The following RANBP17 variants were observed in gnomAD, a reference collection of about 807,000 sequenced individuals.
The protein encoded by RANBP17 is ran-binding protein 17.
Under a neutral mutation model 141.2 loss-of-function variants are expected in RANBP17, and 158 were observed. That is an observed-to-expected ratio of 1.12 (90% CI 0.98 to 1.28). The LOEUF is 1.28. Ranked by LOEUF, RANBP17 falls within the 50% of genes most tolerant of loss-of-function variation. The probability of loss-of-function intolerance (pLI) is 0.00; values close to 1 mark genes in which losing one functional copy is unlikely to be tolerated. For synonymous variants in RANBP17, 430 were observed against 450.0 expected, an observed-to-expected ratio of 0.96 and a Z score of 0.56; for missense variants, 1,438 against 1,290.7, an observed-to-expected ratio of 1.11 and a Z score of -1.75.
chr5:171,001,718 T>C (rs1581363223), intron 14 of RANBP17, among the ~76,000 whole-genome samples: 1 of 151,956 alleles, frequency 6.6e-6, no homozygotes, highest in East Asian at 1.9e-4. Context: ...TGGTAAGGGG[T>C]ACAAAGTTTC....
intron 5 of RANBP17, among the ~76,000 whole-genome samples, chr5:170,896,565 C>G (rs571642236): frequency 6.6e-6 from 1 of 152,274 alleles, no homozygotes; most frequent in South Asian, 2.1e-4. Flanking sequence ...CCAGGTGGCT[C>G]ACGCCTGTAA....
chr5:171,116,300 G>C (rs578084449), intron 14 of RANBP17, among the ~76,000 whole-genome samples: 6 of 152,084 alleles, frequency 3.9e-5, no homozygotes, highest in Admixed American at 3.9e-4. Context: ...TGGGGAAGGG[G>C]CAAGTTGCCC....
chr5:171,113,923 T>C (rs1399566596), intron 14 of RANBP17, among the ~76,000 whole-genome samples: 1 of 152,158 alleles, frequency 6.6e-6, no homozygotes, highest in Non-Finnish European at 1.5e-5. Flanking sequence ...GAAGCAGATA[T>C]GAAAGAAACT....
At chr5:171,028,638 C>T (rs1781371103) in intron 14 of RANBP17, among the ~76,000 whole-genome samples, 1 of 152,094 alleles carries the variant, frequency 6.6e-6, no homozygotes, top group Admixed American at 6.6e-5. Flanking sequence ...ATGTCATGAT[C>T]AATTGTGGTT....
chr5:171,264,565 T>C (rs1044442201), intron 24 of RANBP17, among the ~76,000 whole-genome samples: 4 of 152,186 alleles, frequency 2.6e-5, no homozygotes, highest in Admixed American at 6.5e-5. Flanking sequence ...ACAGTAACTA[T>C]TATAGTGCTG....
rs529081253 is a variant in RANBP17 at position 170,955,530 on chromosome 5, GTA to G, written c.1574+1840_1574+1841del. Among the ~76,000 whole-genome samples the G allele has an allele frequency of 3.4e-3, 363 of 107,718 alleles. 9 individuals are homozygous for G. Among genetic ancestry groups the G allele is most frequent in the African/African-American group, 0.011 (340 of 30,126 alleles). 70.7% of individuals were successfully genotyped at this position (107,718 alleles called of 152,430 possible). On this transcript the variant is annotated intron_variant, in intron 13 of 27. Transcript: ENST00000523189. ...ATATGTATATATATGCTCAGTCTGT[GTA>G]TATATATATATGCTCAGTCTGTGTA...
chr5:171,006,767 C>T (rs1779652646), intron 14 of RANBP17, among the ~76,000 whole-genome samples: 2 of 150,510 alleles, frequency 1.3e-5, no homozygotes, highest in South Asian at 2.1e-4. Flanking sequence ...AAGAATAGGT[C>T]GGCCTTCTGG....
At chr5:171,148,613 TATAG>T (rs1001117733) in intron 14 of RANBP17, among the ~76,000 whole-genome samples, 13 of 150,334 alleles carry the variant, frequency 8.6e-5, no homozygotes, top group South Asian at 6.3e-4. Flanking sequence ...TATATATATA[TATAG>T]AGAGAGAGAG....
At chr5:170,990,323 C>T (rs1778420676) in intron 14 of RANBP17, among the ~76,000 whole-genome samples, 1 of 151,870 alleles carries the variant, frequency 6.6e-6, no homozygotes, top group South Asian at 2.1e-4. Context: ...GTAGCTACCT[C>T]TTGGTTATGT....
intron 14 of RANBP17, among the ~76,000 whole-genome samples, chr5:170,974,963 T>A (rs1180473473): frequency 1.3e-5 from 2 of 152,072 alleles, no homozygotes; most frequent in African/African-American, 4.8e-5. Context: ...CCTTGCGCTC[T>A]GGGCCTGGGA....
intron 20 of RANBP17, among the ~76,000 whole-genome samples, 187 bp from the exon 21 acceptor site, chr5:171,213,444 A>G (rs1223502932): frequency 6.6e-6 from 1 of 152,168 alleles, no homozygotes; most frequent in Non-Finnish European, 1.5e-5. Context: ...CCAAAAATGT[A>G]TGTATATCTG....
chr5:171,086,324 A>G (rs1374363097), intron 14 of RANBP17, among the ~76,000 whole-genome samples: 53 of 151,112 alleles, frequency 3.5e-4, no homozygotes, highest in African/African-American at 1.2e-3. Context: ...CCACTTGATC[A>G]TGGTGGATAA....
chr5:170,922,791 C>T (rs1772582951), intron 11 of RANBP17, among the ~76,000 whole-genome samples: 1 of 152,106 alleles, frequency 6.6e-6, no homozygotes, highest in South Asian at 2.1e-4. Context: ...AGGCGACGCC[C>T]TGCCCTGCTT....
At chr5:171,266,105 G>A (rs942125456) in intron 25 of RANBP17, among the ~76,000 whole-genome samples, 5 of 152,162 alleles carry the variant, frequency 3.3e-5, no homozygotes, top group Admixed American at 2.0e-4. Flanking sequence ...AGTTTTTCCA[G>A]AGGCCTGAGA....
intron 1 of RANBP17, among the ~76,000 whole-genome samples, chr5:170,874,930 C>CT (rs1415050065): frequency 6.6e-6 from 1 of 152,050 alleles, no homozygotes; most frequent in Non-Finnish European, 1.5e-5. Flanking sequence ...TGTCCTTGGT[C>CT]TTTGTATTTT....
chr5:170,952,671 A>T (rs1052247466), intron 12 of RANBP17, among the ~76,000 whole-genome samples: 3 of 152,052 alleles, frequency 2.0e-5, no homozygotes, highest in African/African-American at 7.2e-5. Context: ...TTTTACTTGA[A>T]AGCGTTTCTT....
At chr5:170,994,769 T>C (rs959720459) in intron 14 of RANBP17, among the ~76,000 whole-genome samples, 2 of 152,134 alleles carry the variant, frequency 1.3e-5, no homozygotes, top group African/African-American at 4.8e-5. Flanking sequence ...TACATTTTAA[T>C]CAGCCTAACA....
chr5:170,865,806 A>C (rs750439623), intron 1 of RANBP17, among the ~76,000 whole-genome samples: 52 of 152,160 alleles, frequency 3.4e-4, no homozygotes, highest in Admixed American at 5.9e-4. Flanking sequence ...AATTCACCGA[A>C]AGTTGTCATA....
At chr5:171,137,606 C>CTGTGTG (rs1235455020) in intron 14 of RANBP17, among the ~76,000 whole-genome samples, 24 of 62,676 alleles carry the variant, frequency 3.8e-4, no homozygotes, top group African/African-American at 1.2e-3. Context: ...GTGTGTGTGT[C>CTGTGTG]TGTGTGTGTG....
Sources: allele counts gnomAD v4.1 joint callset (sites outside exome capture counted in the v4.1 genomes callset), GRCh38; gene constraint gnomAD v4.1.1; transcripts MANE v1.5; gene names NCBI Gene and HGNC (gene_info 2026-07-23, HGNC 2026-07-21).